The following ALLC variants were observed in gnomAD, a reference collection of about 807,000 sequenced individuals.
ALLC encodes the protein probable inactive allantoicase.
In ALLC, 40 loss-of-function variants were observed where a neutral mutation model predicts 45.0. The ratio of observed to expected loss-of-function variants is 0.89; its 90% CI spans 0.69 to 1.16. ALLC has a LOEUF of 1.16. Ranked by LOEUF, ALLC falls within the 50% of genes most tolerant of loss-of-function variation. The pLI is 0.00. For synonymous variants in ALLC, 176 were observed against 178.1 expected, an observed-to-expected ratio of 0.99 and a Z score of 0.09; for missense variants, 488 against 493.1, an observed-to-expected ratio of 0.99 and a Z score of 0.10.
intron 3 of ALLC, among the ~76,000 whole-genome samples, chr2:3,676,164 G>C (rs141108566): frequency 5.3e-5 from 8 of 152,264 alleles, no homozygotes; most frequent in African/African-American, 1.9e-4. Context: ...CTGTTGCAGA[G>C]AATTCTTCTA....
At chr2:3,666,916 A>G (rs1666741096) in intron 1 of ALLC, among the ~76,000 whole-genome samples, 1 of 152,218 alleles carries the variant, frequency 6.6e-6, no homozygotes. Context: ...GCAGGTGCCT[A>G]GGGAGCACAC....
At position 3,675,477 on chromosome 2, in the gene ALLC, C is replaced by T. The variant is rs529626961; in HGVS notation, c.84+1352C>T. Among the ~76,000 whole-genome samples the T allele has an allele frequency of 1.1e-4, 17 of 151,070 alleles. No homozygotes were observed. The South Asian group carries it at 1.3e-3, about 11-fold the overall frequency. Reference sequence around the variant, plus strand: ...ATGAGTGTAAAACAGAGTTTGAAGGCGCACACATCAAACAGTGAGATGTGA... The same window carrying T: ...ATGAGTGTAAAACAGAGTTTGAAGGTGCACACATCAAACAGTGAGATGTGA... On this transcript the variant is annotated intron_variant, in intron 3 of 11. Coordinates refer to ENST00000252505, the MANE Select transcript of ALLC (RefSeq NM_018436.4).
At chr2:3,651,728 C>A in the ALLC span, among the ~76,000 whole-genome samples, 1 of 151,928 alleles carries the variant, frequency 6.6e-6, no homozygotes, top group East Asian at 2.0e-4. Flanking sequence ...GCCGGGGAGG[C>A]GGGAAACATG....
intron 1 of ALLC, among the ~76,000 whole-genome samples, chr2:3,662,891 A>G (rs1249615868): frequency 6.6e-6 from 1 of 152,236 alleles, no homozygotes; most frequent in African/African-American, 2.4e-5. Context: ...ATAGACCTGC[A>G]AAGTGTTTAT....
chr2:3,687,202 T>C (rs1404389375), intron 7 of ALLC, among the ~76,000 whole-genome samples: 2 of 150,946 alleles, frequency 1.3e-5, no homozygotes, highest in African/African-American at 2.4e-5. Context: ...AATGATCATA[T>C]GGTTTTTGTT....
At chr2:3,674,889 G>A (rs1160838763) in intron 3 of ALLC, among the ~76,000 whole-genome samples, 1 of 152,190 alleles carries the variant, frequency 6.6e-6, no homozygotes, top group Non-Finnish European at 1.5e-5. Context: ...TTTTACCACA[G>A]GTCCGGTCTT....
chr2:3,692,703 AC>A (rs1272828288), intron 7 of ALLC, among the ~76,000 whole-genome samples: 1 of 151,770 alleles, frequency 6.6e-6, no homozygotes, highest in Non-Finnish European at 1.5e-5. Context: ...TGTGGAACAA[AC>A]CTCCTACAAC....
At chr2:3,651,694 C>T in the ALLC span, among the ~76,000 whole-genome samples, 1 of 151,896 alleles carries the variant, frequency 6.6e-6, no homozygotes, top group Non-Finnish European at 1.5e-5. Flanking sequence ...GGAGGCTGGG[C>T]CAACCCCATG....
At chr2:3,653,563 A>C (rs1013245445), upstream of ALLC, among the ~76,000 whole-genome samples, 1 of 152,116 alleles carries the variant, frequency 6.6e-6, no homozygotes, top group Non-Finnish European at 1.5e-5. This position sits in a 1 kb window ranked among gnomAD's most constrained non-coding sequence, Gnocchi z 4.1. Flanking sequence ...CCTTCTGCTA[A>C]AAAATTCCAT....
At chr2:3,648,090 G>A in the ALLC span, among the ~76,000 whole-genome samples, 57 of 152,260 alleles carry the variant, frequency 3.7e-4, no homozygotes, top group African/African-American at 1.2e-3. Context: ...AGGGAGCCCG[G>A]CAGCCCTGGC....
chr2:3,686,288 T>C lies in ALLC; in HGVS notation c.511+3214T>C. Among the ~76,000 whole-genome samples the C allele has an allele frequency of 1.3e-5, 2 of 150,924 alleles. 1 individual carries two copies. Among genetic ancestry groups the C allele is most frequent in the East Asian group, 3.9e-4 (2 of 5,068 alleles). On this transcript the variant is annotated intron_variant, in intron 7 of 11. Coordinates refer to ENST00000252505, the MANE Select transcript of ALLC (RefSeq NM_018436.4). Reference sequence around the variant, plus strand: ...TTATTGAGAATGAGTTGGCTGTAAATGTGTTGATTTATATCTGGGTTCTCT... The same window carrying C: ...TTATTGAGAATGAGTTGGCTGTAAACGTGTTGATTTATATCTGGGTTCTCT...
chr2:3,680,004 G>A lies in ALLC; in HGVS notation c.298+10G>A, dbSNP rs1447490620. 3 of 1,613,416 alleles carry A rather than the reference G, an allele frequency of 1.9e-6. No individual in the cohort carries two copies. The highest frequency in any genetic ancestry group is 2.5e-6 in the Non-Finnish European group (3 of 1,179,606). On this transcript the variant is annotated intron_variant, in intron 5 of 11. Transcript: ENST00000252505. The surrounding 1 kb of genome is among the most constrained non-coding windows in gnomAD (Gnocchi z 4.0). ...GCAAACTTGGAAGAAGGTGCGTTAG[G>A]AACCACTGTCCCCAAAATGAGAATT...
chr2:3,677,229 A>G (rs1220434742), intron 3 of ALLC, among the ~76,000 whole-genome samples: 1 of 152,166 alleles, frequency 6.6e-6, no homozygotes, highest in East Asian at 1.9e-4. Context: ...TGTCAGTCCA[A>G]TCACAACAGC....
intron 6 of ALLC, among the ~76,000 whole-genome samples, chr2:3,682,039 G>A (rs1413328917): frequency 6.6e-6 from 1 of 151,836 alleles, no homozygotes; most frequent in Non-Finnish European, 1.5e-5. Context: ...TTGAAGTAAC[G>A]TTTGTGTTTG....
Position 3,702,608 on chromosome 2 carries a change from G to A in ALLC, c.*45G>A. The A allele has an allele frequency of 2.7e-6, 4 of 1,486,622 alleles. No individual in the cohort carries two copies. The highest frequency in any genetic ancestry group is 3.6e-6 in the Non-Finnish European group (4 of 1,116,844). 92.1% of individuals were successfully genotyped at this position (1,486,622 alleles called of 1,614,324 possible). A position where few individuals can be genotyped will look rare whatever the true frequency, so the allele number is the denominator to read the frequency against. On this transcript the variant is annotated 3_prime_UTR_variant, in exon 12 of 12. Transcript: ENST00000252505. ...TCGGACACACAGCAGTAATTTCCCA[G>A]TCATAGTCTTCTTTTCAAATGTTTT...
chr2:3,647,566 T>C, the ALLC span, among the ~76,000 whole-genome samples: 1 of 151,986 alleles, frequency 6.6e-6, no homozygotes, highest in South Asian at 2.1e-4. Flanking sequence ...CGCTCACCCA[T>C]CTTCTCCTGA....
chr2:3,694,363 G>A (rs184718242), intron 7 of ALLC, among the ~76,000 whole-genome samples: 1 of 152,292 alleles, frequency 6.6e-6, no homozygotes, highest in East Asian at 1.9e-4. Flanking sequence ...AGGTGTAAAG[G>A]GAAAGGAAGC....
chr2:3,651,098 G>C, the ALLC span, among the ~76,000 whole-genome samples: 1 of 152,122 alleles, frequency 6.6e-6, no homozygotes. Flanking sequence ...GTATTTCTCA[G>C]AGCCCTCTGA....
chr2:3,702,434 G>T lies in ALLC; in HGVS notation c.1047G>T (p.Arg349Ser). The T allele has an allele frequency of 6.2e-7, 1 of 1,612,862 alleles. No individual in the cohort carries two copies. Among genetic ancestry groups the T allele is most frequent in the Non-Finnish European group, 8.5e-7 (1 of 1,179,778 alleles). The change falls in exon 12 of 12, where the codon AGG becomes AGT. Residue 349 changes from arginine to serine, a missense_variant. Physicochemically the swap from Arg to Ser is moderately radical, Grantham distance 110 (BLOSUM62 -1). Coordinates refer to ENST00000252505, the MANE Select transcript of ALLC (RefSeq NM_018436.4). ...TCCAAGATGTCATCACTCACGCCAG[G>T]CTCACCATCGTCCCCGACGGGGGAG... The part of the protein sequence containing the change: ...LELQDVITHA[R>S]LTIVPDGGVS...
Sources: allele counts gnomAD v4.1 joint callset (sites outside exome capture counted in the v4.1 genomes callset), GRCh38; gene constraint gnomAD v4.1.1; non-coding constraint Gnocchi (gnomAD v3.1); transcripts MANE v1.5; gene names NCBI Gene and HGNC (gene_info 2026-07-23, HGNC 2026-07-21).